TINAG: variants seen among roughly 807,000 people sequenced by gnomAD.
The protein encoded by TINAG is tubulointerstitial nephritis antigen.
TINAG carries 83 observed loss-of-function variants against 72.7 expected under a neutral mutation model. The observed-to-expected ratio is 1.14, with a 90% CI of 0.96 to 1.37. The LOEUF (loss-of-function observed/expected upper bound fraction) is 1.37, where lower values mean the gene tolerates loss of function less well. Among genes scored for constraint, TINAG ranks in the 40% most tolerant of loss-of-function variants. TINAG has a pLI of 0.00. For missense variants in TINAG, 685 were observed against 576.6 expected (o/e 1.19, Z -1.93); for synonymous variants, 234 against 189.9 (o/e 1.23, Z -1.91).
intron 5 of TINAG, among the ~76,000 whole-genome samples, chr6:54,345,201 TG>T (rs1785092259): frequency 6.6e-6 from 1 of 152,174 alleles, no homozygotes; most frequent in Non-Finnish European, 1.5e-5. Flanking sequence ...GGAAAACAAT[TG>T]GTTGAACTGA....
At chr6:54,365,896 G>A (rs1357411456) in intron 9 of TINAG, among the ~76,000 whole-genome samples, 2 of 151,506 alleles carry the variant, frequency 1.3e-5, no homozygotes, top group African/African-American at 4.8e-5. Context: ...CAGGTGCAAT[G>A]GTGTGTGTCT....
intron 8 of TINAG, 45 bp downstream of exon 8, chr6:54,351,442 T>A (rs1399397241): frequency 1.9e-6 from 3 of 1,560,746 alleles, no homozygotes; most frequent in East Asian, 4.5e-5. Flanking sequence ...ATTCCTTTAA[T>A]AAACAACATT....
chr6:54,385,749 T>A (rs1185951172), intron 10 of TINAG, among the ~76,000 whole-genome samples: 1 of 151,492 alleles, frequency 6.6e-6, no homozygotes, highest in East Asian at 1.9e-4. Flanking sequence ...AATATTACAA[T>A]TAAGAAATAT....
At chr6:54,331,812 T>G (rs1784749429) in intron 4 of TINAG, among the ~76,000 whole-genome samples, 1 of 152,060 alleles carries the variant, frequency 6.6e-6, no homozygotes, top group Non-Finnish European at 1.5e-5. Context: ...TATACACCAA[T>G]AATAGATAAA....
chr6:54,364,545 CATG>C (rs1484036394), intron 9 of TINAG, among the ~76,000 whole-genome samples: 1 of 151,266 alleles, frequency 6.6e-6, no homozygotes, highest in Non-Finnish European at 1.5e-5. Context: ...AATAGTTTGT[CATG>C]ATAATTCTGA....
intron 10 of TINAG, among the ~76,000 whole-genome samples, chr6:54,383,764 T>C (rs1764017757): frequency 6.6e-6 from 1 of 152,052 alleles, no homozygotes; most frequent in South Asian, 2.1e-4. Flanking sequence ...TTTCAATCTA[T>C]AATTAGTTCA....
chr6:54,352,517 T>G (rs779208966), intron 8 of TINAG, among the ~76,000 whole-genome samples: 1 of 151,836 alleles, frequency 6.6e-6, no homozygotes, highest in Non-Finnish European at 1.5e-5. Context: ...ATTTGTTGGT[T>G]ATTTGAAGAG....
intron 2 of TINAG, 42 bp downstream of exon 2, chr6:54,320,684 T>A (rs1383070399): frequency 1.4e-6 from 2 of 1,476,198 alleles, no homozygotes; most frequent in Non-Finnish European, 1.8e-6. Context: ...CTACTGTGTG[T>A]GTATGTTTTC....
intron 9 of TINAG, among the ~76,000 whole-genome samples, chr6:54,375,187 C>A (rs1763743764): frequency 6.6e-6 from 1 of 152,264 alleles, no homozygotes; most frequent in Middle Eastern, 3.4e-3. Context: ...CAAATGTGTT[C>A]TTAACACATG....
intron 9 of TINAG, among the ~76,000 whole-genome samples, chr6:54,368,102 G>A (rs9395947): frequency 1.3e-5 from 2 of 150,848 alleles, no homozygotes; most frequent in African/African-American, 4.9e-5. Context: ...TATCCCTTTA[G>A]AATATTGAGT....
At chr6:54,341,492 G>A (rs1250899363) in intron 4 of TINAG, among the ~76,000 whole-genome samples, 1 of 152,096 alleles carries the variant, frequency 6.6e-6, no homozygotes, top group Non-Finnish European at 1.5e-5. Flanking sequence ...CAAAATAGCA[G>A]CAATGGACCT....
intron 4 of TINAG, among the ~76,000 whole-genome samples, chr6:54,340,623 T>C (rs926261186): frequency 2.0e-5 from 3 of 152,154 alleles, no homozygotes; most frequent in Admixed American, 2.0e-4. Context: ...ATGTGCCTGC[T>C]GCTCCTCAAA....
chr6:54,316,556 T>C (rs565555993), intron 1 of TINAG, among the ~76,000 whole-genome samples: 1 of 152,280 alleles, frequency 6.6e-6, no homozygotes, highest in Non-Finnish European at 1.5e-5. Flanking sequence ...GGATTCCTGA[T>C]TAGAGCAAGC....
chr6:54,307,933 G>A, upstream of TINAG: 2 of 1,054,326 alleles, frequency 1.9e-6, no homozygotes, highest in Non-Finnish European at 1.4e-6. Flanking sequence ...TGCTGAATTA[G>A]GTTCCACTAA....
intron 4 of TINAG, among the ~76,000 whole-genome samples, chr6:54,342,615 G>A (rs376530809): frequency 2.6e-5 from 4 of 151,938 alleles, no homozygotes; most frequent in South Asian, 2.1e-4. Context: ...TGATCCACCC[G>A]CCTCAGCCTC....
At chr6:54,318,772 A>T (rs1486452913) in intron 1 of TINAG, among the ~76,000 whole-genome samples, 1 of 152,060 alleles carries the variant, frequency 6.6e-6, no homozygotes, top group Admixed American at 6.6e-5. Context: ...GTAGCAAAGG[A>T]GTGAGTGGAC....
chr6:54,357,930 G>C lies in TINAG; in HGVS notation c.1250+3294G>C, dbSNP rs566065771. Among the ~76,000 whole-genome samples the C allele has an allele frequency of 6.6e-5, 10 of 151,876 alleles. 1 individual carries two copies. In the South Asian group the frequency reaches 2.1e-3, roughly 31 times the overall value. ...GATTAAAAGCCAAATTTCTCACAAT[G>C]GCTTATAAAGGGCCAACATATTCTG... On this transcript the variant is annotated intron_variant, in intron 9 of 10. Transcript: ENST00000259782.
rs556874132 is a variant in TINAG at position 54,334,604 on chromosome 6, G to T, written c.624+7688G>T. On this transcript the variant is annotated intron_variant, in intron 4 of 10. Transcript: ENST00000259782. ...ACATTTTAAAGACAGGCAAATTGAG[G>T]TTGAGAAGTTAAGTCAAGCCAAGAT... 2.7e-4 allele frequency among the ~76,000 whole-genome samples: 41 copies of T among 152,290 alleles called. No homozygotes were observed. The South Asian group carries it at 4.1e-3, about 15-fold the overall frequency.
At chr6:54,334,782 G>A (rs1298601132) in intron 4 of TINAG, among the ~76,000 whole-genome samples, 4 of 152,010 alleles carry the variant, frequency 2.6e-5, no homozygotes, top group Non-Finnish European at 4.4e-5. Flanking sequence ...CCAATATAGC[G>A]TTGGCCAATT....
Sources: allele counts gnomAD v4.1 joint callset (sites outside exome capture counted in the v4.1 genomes callset), GRCh38; gene constraint gnomAD v4.1.1; transcripts MANE v1.5; gene names NCBI Gene and HGNC (gene_info 2026-07-23, HGNC 2026-07-21).